RYR3: variants seen among roughly 807,000 people sequenced by gnomAD.
The protein encoded by RYR3 is ryanodine receptor 3, also known as brain ryanodine receptor-calcium release channel.
In RYR3, 207 loss-of-function variants were observed where a neutral mutation model predicts 584.3. The observed-to-expected ratio is 0.35, with a 90% CI of 0.32 to 0.40. The LOEUF (loss-of-function observed/expected upper bound fraction) is 0.40, where lower values mean the gene tolerates loss of function less well. Among genes scored for constraint, RYR3 ranks in the 10% least tolerant of loss-of-function variants. RYR3 has a pLI of 1.00. For synonymous variants in RYR3, 2,416 were observed against 2,248.5 expected (o/e 1.07, Z -2.11); for missense variants, 5,616 against 6,089.2 (o/e 0.92, Z 2.59).
chr15:33,398,629 T>G lies in RYR3; in HGVS notation c.52-74790T>G, dbSNP rs77625275. Among the ~76,000 whole-genome samples, 354 of 152,328 alleles carry G rather than the reference T, an allele frequency of 2.3e-3. 1 individual carries two copies. The highest frequency in any genetic ancestry group is 3.6e-3 in the Non-Finnish European group (243 of 68,022). ...GGAGTTTTGTTTTGGAGAGGAATTT[T>G]TCCCACTCTCTTCTCTCCCAGGTGG... is the stretch of plus-strand genomic sequence containing the variant. On this transcript the variant is annotated intron_variant, in intron 1 of 103. Transcript: ENST00000634891.
At chr15:33,777,291 A>G (rs2074058336) in intron 64 of RYR3, among the ~76,000 whole-genome samples, 1 of 152,154 alleles carries the variant, frequency 6.6e-6, no homozygotes, top group Non-Finnish European at 1.5e-5. Flanking sequence ...AGCTTGGCCC[A>G]TACCAACACT....
chr15:33,338,314 G>A (rs1422317514), intron 1 of RYR3, among the ~76,000 whole-genome samples: 1 of 152,040 alleles, frequency 6.6e-6, no homozygotes, highest in African/African-American at 2.4e-5. Context: ...GATGATTTTC[G>A]GGGCTCCAAA....
intron 1 of RYR3, among the ~76,000 whole-genome samples, chr15:33,341,349 G>T (rs1359000400): frequency 6.6e-6 from 1 of 152,070 alleles, no homozygotes; most frequent in Admixed American, 6.6e-5. Context: ...TGATTCAGTG[G>T]ACTTTGCATT....
chr15:33,445,664 AACACAC>A (rs61585713), intron 1 of RYR3, among the ~76,000 whole-genome samples: 5,998 of 105,970 alleles, frequency 0.057, 179 homozygotes, highest in Non-Finnish European at 0.059. Flanking sequence ...TTCCCCCACC[AACACAC>A]ACACACACAC....
intron 1 of RYR3, among the ~76,000 whole-genome samples, chr15:33,471,594 TA>T (rs3084420): frequency 0.09 from 12,843 of 142,054 alleles, 651 homozygotes; most frequent in Admixed American, 0.13. Flanking sequence ...CATGCCTTTG[TA>T]AAAAAAAAAA....
chr15:33,435,856 C>T (rs547660100), intron 1 of RYR3, among the ~76,000 whole-genome samples: 43 of 152,302 alleles, frequency 2.8e-4, no homozygotes, highest in Non-Finnish European at 5.9e-4. Flanking sequence ...GCTTCCACAG[C>T]GTGGCAAGGA....
Position 33,660,199 on chromosome 15 carries a change from C to A in RYR3, c.4398C>A (p.Asn1466Lys). ...LFQFELGKLK[N>K]AMPLSAAIFR... The stretch of plus-strand genomic sequence containing the variant: ...AATGCCTTTCCCACGTGCCCCAGAA[C>A]GCAATGCCCCTGTCAGCGGCCATAT... Residue 1466 changes from asparagine to lysine, a missense_variant and splice_region_variant, in exon 34 of 104, where the codon AAC (asparagine) becomes AAA (lysine). By Grantham distance (94) the Asn-to-Lys change is moderately conservative. Coordinates refer to ENST00000634891, the MANE Select transcript of RYR3 (RefSeq NM_001036.6). 6.5e-7 allele frequency: 1 copy of A among 1,550,202 alleles called. No homozygotes were observed. Among genetic ancestry groups the A allele is most frequent in the Non-Finnish European group, 8.7e-7 (1 of 1,145,694 alleles).
At position 33,503,692 on chromosome 15, in the gene RYR3, C is replaced by G; in HGVS notation, c.233C>G (p.Ala78Gly). Residue 78 changes from alanine to glycine, a missense_variant, in exon 3 of 104, where the codon GCC becomes GGC. Ala to Gly is a moderately conservative substitution (Grantham distance 60). Around this residue, in one of 9 missense-constraint regions of RYR3, gnomAD observed 1,284 missense variants for 1,344.6 expected, o/e 0.95. Transcript: ENST00000634891. ...FVLEQSLSVR[A>G]LQEMLANTGE... The stretch of plus-strand genomic sequence containing the variant: ...CTGGAACAGTCCCTATCTGTCAGAG[C>G]CCTGCAGGAAATGCTTGCCAACACA... 6.2e-7 allele frequency: 1 copy of G among 1,613,060 alleles called. No homozygotes were observed. The highest frequency in any genetic ancestry group is 8.5e-7 in the Non-Finnish European group (1 of 1,179,554).
Position 33,670,482 on chromosome 15 carries a change from C to T in RYR3, c.5786C>T (p.Ala1929Val), listed in dbSNP as rs776843763. The T allele has an allele frequency of 1.9e-6, 3 of 1,609,546 alleles. No homozygotes were observed. Among genetic ancestry groups the T allele is most frequent in the South Asian group, 2.2e-5 (2 of 89,962 alleles). ...ACCTCCTGGACAGGAAAACTCTGTGCCTTGGTTTACAAAATCAAAGGCCCA... is the reference window on the plus strand; with the variant it reads ...ACCTCCTGGACAGGAAAACTCTGTGTCTTGGTTTACAAAATCAAAGGCCCA... The part of the protein sequence containing the change: ...EDTSWTGKLC[A>V]LVYKIKGPPK... The change falls in exon 38 of 104, where the codon GCC (alanine) becomes GTC (valine). Residue 1929 changes from alanine to valine, a missense_variant. Ala to Val is a moderately conservative substitution (Grantham distance 64). This residue lies in a region of RYR3 where 1,280 missense variants were observed against 1,426.2 expected (regional missense o/e 0.90). Transcript: ENST00000634891.
At chr15:33,746,224 A>G (rs1465503888) in intron 53 of RYR3, 67 bp downstream of exon 53, 3 of 1,060,558 alleles carry the variant, frequency 2.8e-6, no homozygotes, top group Non-Finnish European at 2.9e-6. Flanking sequence ...ATTTTATCAG[A>G]GGAGTTCAGA....
chr15:33,825,557 C>T, intron 81 of RYR3, 46 bp from the exon 82 acceptor site: 1 of 1,273,492 alleles, frequency 7.9e-7, no homozygotes. Flanking sequence ...ATCTGCTTTC[C>T]CAGCGTGCGT....
intron 76 of RYR3, among the ~76,000 whole-genome samples, 176 bp from the exon 77 acceptor site, chr15:33,819,580 A>G (rs1215089622): frequency 2.0e-5 from 3 of 151,978 alleles, no homozygotes; most frequent in Non-Finnish European, 4.4e-5. Flanking sequence ...AGGTTGAGGT[A>G]GGAGAATCAC....
chr15:33,779,200 A>T (rs533053983), intron 64 of RYR3, among the ~76,000 whole-genome samples: 69 of 152,282 alleles, frequency 4.5e-4, no homozygotes, highest in Non-Finnish European at 9.1e-4. Context: ...CTTCAAGACC[A>T]GTTAAGATCA....
At position 33,658,359 on chromosome 15, in the gene RYR3, C is replaced by G. The variant is rs527648615; in HGVS notation, c.4309-1361C>G. On this transcript the variant is annotated intron_variant, in intron 32 of 103. Coordinates refer to ENST00000634891, the MANE Select transcript of RYR3 (RefSeq NM_001036.6). Reference sequence around the variant, plus strand: ...CCTTGTTCCGTGGCCCTCTCGTAAGCCTTCTAACAGTATAGCTGCTCACAT... The same window carrying G: ...CCTTGTTCCGTGGCCCTCTCGTAAGGCTTCTAACAGTATAGCTGCTCACAT... Among the ~76,000 whole-genome samples, 6 of 152,322 alleles carry G rather than the reference C, an allele frequency of 3.9e-5. No homozygotes were observed. The South Asian group carries it at 1.0e-3, about 26-fold the overall frequency.
chr15:33,428,956 G>A (rs1281370115), intron 1 of RYR3, among the ~76,000 whole-genome samples: 1 of 152,168 alleles, frequency 6.6e-6, no homozygotes, highest in Non-Finnish European at 1.5e-5. Flanking sequence ...ATTCTTTACT[G>A]TTAGAGCTTG....
At chr15:33,579,839 G>A (rs2058501459) in intron 12 of RYR3, 137 bp from the exon 13 acceptor site, 1 of 480,560 alleles carries the variant, frequency 2.1e-6, no homozygotes. Context: ...TCATTTTGTA[G>A]CTGCTGGTAC....
At chr15:33,668,127 T>C (rs2063591901) in intron 36 of RYR3, among the ~76,000 whole-genome samples, 1 of 127,924 alleles carries the variant, frequency 7.8e-6, no homozygotes, top group Non-Finnish European at 1.6e-5. Flanking sequence ...TGAAACCCCC[T>C]CTCTACTAAA....
At chr15:33,384,429 T>C (rs986736244) in intron 1 of RYR3, among the ~76,000 whole-genome samples, 1 of 148,232 alleles carries the variant, frequency 6.7e-6, no homozygotes, top group Non-Finnish European at 1.5e-5. Context: ...GTTTTTTTGG[T>C]CATTATTATT....
At chr15:33,581,091 C>A (rs1253556449) in intron 13 of RYR3, among the ~76,000 whole-genome samples, 2 of 152,066 alleles carry the variant, frequency 1.3e-5, no homozygotes, top group Non-Finnish European at 2.9e-5. Flanking sequence ...TTTTGTGCAT[C>A]TGAATGGAAC....
Sources: gnomAD v4.1 joint callset for allele counts (sites outside exome capture counted in the v4.1 genomes callset) on GRCh38, gnomAD v4.1.1 for gene constraint, gnomAD v4.1.1 regional missense constraint, MANE v1.5 for transcripts, NCBI Gene and HGNC (gene_info 2026-07-23, HGNC 2026-07-21) for gene names.